The following HS3ST5 variants were observed in gnomAD, a reference collection of about 807,000 sequenced individuals.
HS3ST5 encodes the protein heparan sulfate glucosamine 3-O-sulfotransferase 5.
In HS3ST5, 10 loss-of-function variants were observed where a neutral mutation model predicts 25.4. The observed-to-expected ratio is 0.39, with a 90% CI of 0.24 to 0.67. HS3ST5 has a LOEUF of 0.67. Among genes scored for constraint, HS3ST5 ranks in the 30% least tolerant of loss-of-function variants. The pLI, the probability that HS3ST5 is intolerant of heterozygous loss-of-function variation, is 0.44. For synonymous variants in HS3ST5, 170 were observed against 162.4 expected, an observed-to-expected ratio of 1.05 and a Z score of -0.36; for missense variants, 324 against 420.7, an observed-to-expected ratio of 0.77 and a Z score of 2.01.
chr6:114,269,437 T>G (rs890868245), intron 1 of HS3ST5, among the ~76,000 whole-genome samples: 1 of 152,152 alleles, frequency 6.6e-6, no homozygotes, highest in Non-Finnish European at 1.5e-5. Context: ...AAAGCAAAAT[T>G]TGAATAGTTG....
At chr6:114,061,104 A>G (rs987891661) in intron 4 of HS3ST5, among the ~76,000 whole-genome samples, 3 of 152,230 alleles carry the variant, frequency 2.0e-5, no homozygotes. Context: ...AATAAAAGCT[A>G]TCCCCTTAGA....
intron 1 of HS3ST5, among the ~76,000 whole-genome samples, chr6:114,240,562 G>T (rs185819526): frequency 6.6e-6 from 1 of 152,272 alleles, no homozygotes. Flanking sequence ...AGCTGGTGTT[G>T]CTGTTCTGAT....
chr6:114,182,259 G>T (rs147129785), intron 2 of HS3ST5, among the ~76,000 whole-genome samples: 1 of 152,180 alleles, frequency 6.6e-6, no homozygotes, highest in African/African-American at 2.4e-5. Context: ...TCCACATTTA[G>T]ACAATAACGG....
chr6:114,313,025 G>GAAAAAAAAAAAAA (rs5879258), intron 1 of HS3ST5, among the ~76,000 whole-genome samples: 1 of 16,122 alleles, frequency 6.2e-5, no homozygotes, highest in Non-Finnish European at 1.1e-4. Context: ...CCCTGCATCA[G>GAAAAAAAAAAAAA]AAAAAAAAAA....
At chr6:114,297,357 C>T (rs1176332057) in intron 1 of HS3ST5, among the ~76,000 whole-genome samples, 16 of 152,046 alleles carry the variant, frequency 1.1e-4, no homozygotes, top group Non-Finnish European at 2.1e-4. Context: ...AAGGCCATTT[C>T]GGATACGCAG....
intron 1 of HS3ST5, among the ~76,000 whole-genome samples, chr6:114,321,868 C>T (rs113312013): frequency 6.6e-6 from 1 of 152,104 alleles, no homozygotes; most frequent in African/African-American, 2.4e-5. Flanking sequence ...GCTAGTCTGA[C>T]ACTTTTTGCT....
chr6:114,336,607 A>AAATAAT (rs747658514), intron 1 of HS3ST5, among the ~76,000 whole-genome samples: 4 of 151,860 alleles, frequency 2.6e-5, no homozygotes, highest in Non-Finnish European at 5.9e-5. Context: ...AGTCCAACTC[A>AAATAAT]AATAATAATA....
At chr6:114,339,945 G>T (rs1776757009) in intron 1 of HS3ST5, among the ~76,000 whole-genome samples, 1 of 152,214 alleles carries the variant, frequency 6.6e-6, no homozygotes, top group Non-Finnish European at 1.5e-5. Flanking sequence ...TTTACACTGT[G>T]TAGGAGTAAG....
At chr6:114,246,767 A>G (rs529502934) in intron 1 of HS3ST5, among the ~76,000 whole-genome samples, 1 of 152,342 alleles carries the variant, frequency 6.6e-6, no homozygotes, top group South Asian at 2.1e-4. Context: ...CTGTTTACCA[A>G]CTTGTAGTCA....
intron 3 of HS3ST5, among the ~76,000 whole-genome samples, chr6:114,070,279 GAAA>G (rs542740095): frequency 4.4e-5 from 5 of 113,846 alleles, no homozygotes; most frequent in Non-Finnish European, 5.6e-5. Context: ...ATGGGGAGAT[GAAA>G]AAAAAAAAAA....
chr6:114,088,993 G>A (rs987442948), intron 3 of HS3ST5: 1 of 152,244 alleles, frequency 6.6e-6, no homozygotes, highest in African/African-American at 2.4e-5. Context: ...GAAGGCACGT[G>A]AGAAGTATAC....
At chr6:114,240,187 T>G (rs1772046728) in intron 1 of HS3ST5, among the ~76,000 whole-genome samples, 1 of 152,156 alleles carries the variant, frequency 6.6e-6, no homozygotes, top group Non-Finnish European at 1.5e-5. Context: ...TCTATAACTT[T>G]AATCAAAGTC....
intron 1 of HS3ST5, among the ~76,000 whole-genome samples, chr6:114,268,938 C>G (rs1773523532): frequency 6.6e-6 from 1 of 152,158 alleles, no homozygotes; most frequent in Non-Finnish European, 1.5e-5. Context: ...GCCCATTCCT[C>G]ATGCTAGCTC....
At chr6:114,114,626 T>G (rs1489145528) in intron 3 of HS3ST5, among the ~76,000 whole-genome samples, 1 of 152,120 alleles carries the variant, frequency 6.6e-6, no homozygotes, top group Non-Finnish European at 1.5e-5. Context: ...TAGGTCTATT[T>G]TGTTATTATT....
intron 3 of HS3ST5, among the ~76,000 whole-genome samples, chr6:114,142,161 T>G (rs888588672): frequency 9.2e-5 from 14 of 152,148 alleles, no homozygotes; most frequent in Admixed American, 6.5e-5. Context: ...CTTTCCTGCT[T>G]GGAGCATCAC....
Position 114,058,210 on chromosome 6 carries a change from A to C in HS3ST5, c.108-20T>G. ...TGTAGCCTGCAAGCAAGACAGAGACACTTTAAGCTCATTGCAACTAACTTT... is the reference window on the plus strand; with the variant it reads ...TGTAGCCTGCAAGCAAGACAGAGACCCTTTAAGCTCATTGCAACTAACTTT... On this transcript the variant is annotated intron_variant, in intron 4 of 4. Coordinates refer to ENST00000312719, the MANE Select transcript of HS3ST5 (RefSeq NM_153612.4). The C allele has an allele frequency of 1.3e-6, 2 of 1,562,332 alleles. No homozygotes were observed. The highest frequency in any genetic ancestry group is 1.7e-6 in the Non-Finnish European group (2 of 1,146,482).
At chr6:114,153,617 G>A (rs556469762) in intron 3 of HS3ST5, among the ~76,000 whole-genome samples, 2 of 152,312 alleles carry the variant, frequency 1.3e-5, no homozygotes, top group East Asian at 1.9e-4. Flanking sequence ...GCTCTTCTGT[G>A]CTCAGTGAGG....
At position 114,214,530 on chromosome 6, in the gene HS3ST5, G is replaced by A. The variant is rs377210881; in HGVS notation, c.-145+14055C>T. On this transcript the variant is annotated intron_variant, in intron 2 of 4. Transcript: ENST00000312719. ...AGTTTCCCGTAAGATTTGTAACTGA[G>A]ACACGTTTTTAATTCCCAATGTGTC... Among the ~76,000 whole-genome samples the A allele has an allele frequency of 7.9e-4, 120 of 152,260 alleles. 1 individual carries two copies. Among genetic ancestry groups the A allele is most frequent in the Middle Eastern group, 3.4e-3 (1 of 294 alleles).
At chr6:114,272,460 G>T (rs905755549) in intron 1 of HS3ST5, among the ~76,000 whole-genome samples, 4 of 152,054 alleles carry the variant, frequency 2.6e-5, no homozygotes, top group Non-Finnish European at 5.9e-5. Context: ...TGCAGAGAAG[G>T]GTATGGTACT....
Sources: gnomAD v4.1 joint callset for allele counts (sites outside exome capture counted in the v4.1 genomes callset) on GRCh38, gnomAD v4.1.1 for gene constraint, MANE v1.5 for transcripts, NCBI Gene and HGNC (gene_info 2026-07-23, HGNC 2026-07-21) for gene names.